The following CAB39L variants were observed in gnomAD, a reference collection of about 807,000 sequenced individuals.
CAB39L encodes calcium binding protein 39 like.
In CAB39L, 23 loss-of-function variants were observed where a neutral mutation model predicts 39.1. That is an observed-to-expected ratio of 0.59 (90% CI 0.42 to 0.83). CAB39L has a LOEUF of 0.83. CAB39L is among the 40% of genes least tolerant of loss of function. The pLI is 0.00. For synonymous variants in CAB39L, 126 were observed against 137.2 expected (o/e 0.92, Z 0.57); for missense variants, 366 against 391.9 (o/e 0.93, Z 0.56).
chr13:49,324,593 A>C (rs1305309909), intron 10 of CAB39L, among the ~76,000 whole-genome samples: 1 of 152,214 alleles, frequency 6.6e-6, no homozygotes, highest in Non-Finnish European at 1.5e-5. Flanking sequence ...TGTAGAAGAA[A>C]GAACATGGGA....
intron 4 of CAB39L, among the ~76,000 whole-genome samples, chr13:49,377,388 G>GCTCTCCCTCTCC (rs1209208969): frequency 1.1e-5 from 1 of 87,332 alleles, no homozygotes; most frequent in Non-Finnish European, 2.3e-5. Flanking sequence ...AACTTTTTCG[G>GCTCTCCCTCTCC]CTCTCCCTCT....
chr13:49,316,128 G>A (rs1954152112), intron 10 of CAB39L, among the ~76,000 whole-genome samples: 1 of 151,990 alleles, frequency 6.6e-6, no homozygotes, highest in African/African-American at 2.4e-5. Context: ...GATTGACTAA[G>A]AAAAGAAAGA....
At chr13:49,420,927 T>A (rs1473474533) in intron 3 of CAB39L, among the ~76,000 whole-genome samples, 1 of 151,954 alleles carries the variant, frequency 6.6e-6, no homozygotes, top group African/African-American at 2.4e-5. Context: ...GAAGAACACA[T>A]CTGCATGAAG....
At position 49,397,253 on chromosome 13, in the gene CAB39L, A is replaced by G. The variant is rs906390056; in HGVS notation, c.-31-14312T>C. Among the ~76,000 whole-genome samples, 3 of 152,182 alleles carry G rather than the reference A, an allele frequency of 2.0e-5. No individual in the cohort carries two copies. The South Asian group carries it at 6.2e-4, about 31-fold the overall frequency. On this transcript the variant is annotated intron_variant, in intron 3 of 10. Coordinates refer to ENST00000409308, the MANE Select transcript of CAB39L (RefSeq NM_001079670.3). ...GTGAAACAATAAAGTATAAATAACA[A>G]CTTTCACTGACAATCCCTTTTTCAG...
At chr13:49,354,365 T>C (rs1955433152) in intron 6 of CAB39L, among the ~76,000 whole-genome samples, 1 of 152,256 alleles carries the variant, frequency 6.6e-6, no homozygotes, top group Admixed American at 6.5e-5. Flanking sequence ...ATAATTCACA[T>C]AGATCATTTC....
intron 3 of CAB39L, among the ~76,000 whole-genome samples, chr13:49,385,251 T>A (rs1474721039): frequency 1.3e-5 from 2 of 152,210 alleles, no homozygotes; most frequent in Non-Finnish European, 2.9e-5. Context: ...TCTTTAAACC[T>A]CATGGAGCAA....
chr13:49,411,727 C>T (rs528883905), intron 3 of CAB39L, among the ~76,000 whole-genome samples: 7 of 152,126 alleles, frequency 4.6e-5, no homozygotes, highest in South Asian at 2.1e-4. Flanking sequence ...AAGTATATCC[C>T]GAGGATGACC....
intron 3 of CAB39L, among the ~76,000 whole-genome samples, chr13:49,386,613 ATG>A (rs1286990359): frequency 1.3e-5 from 2 of 152,146 alleles, no homozygotes; most frequent in Non-Finnish European, 2.9e-5. Flanking sequence ...TAGTTTAACA[ATG>A]TTTTAAAATT....
intron 9 of CAB39L, among the ~76,000 whole-genome samples, chr13:49,332,457 A>G (rs1954734110): frequency 6.6e-6 from 1 of 152,210 alleles, no homozygotes; most frequent in Non-Finnish European, 1.5e-5. Flanking sequence ...TGGTACCATA[A>G]TGATACCTTC....
intron 6 of CAB39L, among the ~76,000 whole-genome samples, chr13:49,351,671 CATAT>C (rs1012141860): frequency 4.6e-5 from 7 of 152,108 alleles, no homozygotes; most frequent in Admixed American, 1.3e-4. Flanking sequence ...CAGCAGGAGA[CATAT>C]AAGAACAGGA....
At chr13:49,421,342 C>A (rs1566132744) in intron 3 of CAB39L, among the ~76,000 whole-genome samples, 1 of 152,166 alleles carries the variant, frequency 6.6e-6, no homozygotes. Flanking sequence ...CCAGCAAAAA[C>A]CAAGTGGAAA....
At chr13:49,313,480 C>CAA (rs61510865) in intron 10 of CAB39L, among the ~76,000 whole-genome samples, 1,517 of 104,376 alleles carry the variant, frequency 0.015, 26 homozygotes, top group African/African-American at 0.046. Context: ...GACTCCGTCT[C>CAA]AAAAAAAAAA....
intron 10 of CAB39L, 83 bp downstream of exon 10, chr13:49,331,864 G>A: frequency 8.1e-7 from 1 of 1,233,802 alleles, no homozygotes; most frequent in Non-Finnish European, 1.2e-6. Flanking sequence ...AAGTATGAAG[G>A]AGAGTAAAGA....
intron 3 of CAB39L, among the ~76,000 whole-genome samples, chr13:49,417,819 T>TA (rs1047054689): frequency 1.3e-5 from 2 of 151,798 alleles, no homozygotes; most frequent in Non-Finnish European, 2.9e-5. Context: ...AAATCTGAGT[T>TA]AAAAAAAACC....
intron 10 of CAB39L, among the ~76,000 whole-genome samples, chr13:49,324,279 T>G (rs2138364713): frequency 6.6e-6 from 1 of 152,164 alleles, no homozygotes; most frequent in East Asian, 1.9e-4. Flanking sequence ...ATCACACCAC[T>G]GCACTCAAGC....
intron 9 of CAB39L, among the ~76,000 whole-genome samples, chr13:49,335,156 A>C (rs1165453548): frequency 6.6e-6 from 1 of 152,246 alleles, no homozygotes; most frequent in Non-Finnish European, 1.5e-5. Context: ...CTTATCTTCT[A>C]AAGATATATA....
At chr13:49,442,684 C>A (rs1957547884) in intron 1 of CAB39L, among the ~76,000 whole-genome samples, 1 of 149,678 alleles carries the variant, frequency 6.7e-6, no homozygotes, top group East Asian at 2.0e-4. Flanking sequence ...CCCAGCTACT[C>A]AGGAGGCTGA....
intron 5 of CAB39L, among the ~76,000 whole-genome samples, chr13:49,361,016 C>T (rs956981469): frequency 1.3e-5 from 2 of 152,092 alleles, no homozygotes; most frequent in Non-Finnish European, 2.9e-5. Flanking sequence ...CAGTATGGCC[C>T]TAGTTCTGGC....
At chr13:49,344,308 G>A (rs180994447) in intron 7 of CAB39L, 70 bp from the exon 8 acceptor site, 1 of 884,648 alleles carries the variant, frequency 1.1e-6, no homozygotes, top group Admixed American at 2.2e-5. Flanking sequence ...TCTTTTCTAA[G>A]GTTTAAGAAC....
Sources: allele counts gnomAD v4.1 joint callset (sites outside exome capture counted in the v4.1 genomes callset), GRCh38; gene constraint gnomAD v4.1.1; transcripts MANE v1.5; gene names NCBI Gene and HGNC (gene_info 2026-07-23, HGNC 2026-07-21).